LRRC4C: variants seen among roughly 807,000 people sequenced by gnomAD.
The protein encoded by LRRC4C is leucine rich repeat containing 4C.
A neutral mutation model predicts 33.6 loss-of-function variants in LRRC4C; 5 were observed. The ratio of observed to expected loss-of-function variants is 0.15; its 90% CI spans 0.08 to 0.31. The LOEUF is 0.31. Among genes scored for constraint, LRRC4C ranks in the 10% least tolerant of loss-of-function variants. The probability of loss-of-function intolerance (pLI) is 1.00; values close to 1 mark genes in which losing one functional copy is unlikely to be tolerated. For synonymous variants in LRRC4C, 329 were observed against 302.0 expected, an observed-to-expected ratio of 1.09 and a Z score of -0.93; for missense variants, 560 against 796.7, an observed-to-expected ratio of 0.70 and a Z score of 3.58.
chr11:40,561,328 G>A (rs1027754416), intron 3 of LRRC4C, among the ~76,000 whole-genome samples: 1 of 150,968 alleles, frequency 6.6e-6, no homozygotes, highest in Non-Finnish European at 1.5e-5. Context: ...TCTCTAAGGT[G>A]TCTTCCAGCA....
At chr11:40,467,357 T>C (rs1173112920) in intron 3 of LRRC4C, among the ~76,000 whole-genome samples, 2 of 152,182 alleles carry the variant, frequency 1.3e-5, no homozygotes, top group African/African-American at 2.4e-5. Context: ...AACTAGAGAA[T>C]TGCCGTATCA....
intron 1 of LRRC4C, among the ~76,000 whole-genome samples, chr11:41,280,918 T>G (rs1187584888): frequency 6.6e-6 from 1 of 152,180 alleles, no homozygotes; most frequent in African/African-American, 2.4e-5. Context: ...AATTATTAAT[T>G]AGGGGTCTGA....
chr11:40,407,526 A>T (rs190973524), intron 3 of LRRC4C, among the ~76,000 whole-genome samples: 1 of 152,250 alleles, frequency 6.6e-6, no homozygotes, highest in Admixed American at 6.5e-5. Flanking sequence ...CTGGTCATTC[A>T]TCCTGATGAG....
intron 3 of LRRC4C, among the ~76,000 whole-genome samples, chr11:40,371,173 C>G (rs1475157111): frequency 6.6e-6 from 1 of 152,060 alleles, no homozygotes; most frequent in Non-Finnish European, 1.5e-5. Flanking sequence ...AGTTTTTACA[C>G]TGTTCACTTT....
chr11:40,933,209 A>G (rs1194190879), intron 2 of LRRC4C, among the ~76,000 whole-genome samples: 1 of 152,226 alleles, frequency 6.6e-6, no homozygotes, highest in Non-Finnish European at 1.5e-5. Context: ...GCAGTTAGAA[A>G]GCAGACTTGC....
chr11:40,229,235 A>G (rs1055990808), intron 5 of LRRC4C, among the ~76,000 whole-genome samples: 1 of 152,120 alleles, frequency 6.6e-6, no homozygotes, highest in Non-Finnish European at 1.5e-5. Flanking sequence ...CCCACATTTT[A>G]AAGTCATTTA....
chr11:40,679,150 T>A (rs1400571067), intron 2 of LRRC4C, among the ~76,000 whole-genome samples: 5 of 152,178 alleles, frequency 3.3e-5, no homozygotes, highest in Non-Finnish European at 7.3e-5. Flanking sequence ...ATTTTGCCCC[T>A]GCGCTATAGA....
intron 4 of LRRC4C, among the ~76,000 whole-genome samples, chr11:40,249,794 G>A (rs1462250929): frequency 6.6e-6 from 1 of 151,930 alleles, no homozygotes. Context: ...CATAAAAAAA[G>A]TGATGCTTAT....
At chr11:40,211,431 C>T (rs946392465) in intron 5 of LRRC4C, among the ~76,000 whole-genome samples, 3 of 152,168 alleles carry the variant, frequency 2.0e-5, no homozygotes, top group African/African-American at 7.2e-5. Flanking sequence ...CAAACAAAAT[C>T]ATTATTTAAT....
At chr11:40,484,127 T>C (rs150619231) in intron 3 of LRRC4C, among the ~76,000 whole-genome samples, 1 of 152,050 alleles carries the variant, frequency 6.6e-6, no homozygotes, top group Non-Finnish European at 1.5e-5. Flanking sequence ...AAGTAAAAAA[T>C]GTACTAATCT....
chr11:40,658,113 G>A (rs1411122896), intron 2 of LRRC4C, among the ~76,000 whole-genome samples: 1 of 152,170 alleles, frequency 6.6e-6, no homozygotes, highest in Non-Finnish European at 1.5e-5. Flanking sequence ...TTATCTTATA[G>A]TAAACATTAG....
chr11:40,697,030 G>A (rs1045323344), intron 2 of LRRC4C, among the ~76,000 whole-genome samples: 1 of 152,008 alleles, frequency 6.6e-6, no homozygotes, highest in African/African-American at 2.4e-5. Flanking sequence ...GAAGCACTAA[G>A]TATGGTGTCA....
chr11:40,567,962 G>A (rs1200955585), intron 3 of LRRC4C, among the ~76,000 whole-genome samples: 2 of 152,154 alleles, frequency 1.3e-5, no homozygotes, highest in Admixed American at 1.3e-4. Context: ...CATCAGTGAA[G>A]GCATTTGGAA....
chr11:40,338,308 A>G (rs1946720022), intron 3 of LRRC4C, among the ~76,000 whole-genome samples: 1 of 152,230 alleles, frequency 6.6e-6, no homozygotes, highest in Non-Finnish European at 1.5e-5. Context: ...ATTGAACTAA[A>G]TAAAATTAGT....
chr11:41,210,617 G>T (rs996416679), intron 1 of LRRC4C, among the ~76,000 whole-genome samples: 5 of 152,138 alleles, frequency 3.3e-5, no homozygotes, highest in African/African-American at 1.2e-4. Context: ...GCTTGGTAAA[G>T]ATATCTAGTA....
At chr11:40,266,580 A>G (rs1035508913) in intron 4 of LRRC4C, among the ~76,000 whole-genome samples, 3 of 152,162 alleles carry the variant, frequency 2.0e-5, no homozygotes, top group Non-Finnish European at 2.9e-5. Flanking sequence ...TGGGAAGGCT[A>G]TTATGTATTA....
At chr11:41,388,645 A>T (rs974366192) in intron 1 of LRRC4C, among the ~76,000 whole-genome samples, 1 of 151,938 alleles carries the variant, frequency 6.6e-6, no homozygotes, top group Admixed American at 6.6e-5. Context: ...TAGGGAAAAC[A>T]TCAAGGAATT....
intron 1 of LRRC4C, among the ~76,000 whole-genome samples, chr11:41,189,163 G>T (rs1945835167): frequency 6.6e-6 from 1 of 152,036 alleles, no homozygotes; most frequent in Non-Finnish European, 1.5e-5. Flanking sequence ...AGACAAAAAA[G>T]CCTCTGACTT....
At chr11:40,928,038 A>G (rs1957468702) in intron 2 of LRRC4C, among the ~76,000 whole-genome samples, 1 of 152,086 alleles carries the variant, frequency 6.6e-6, no homozygotes, top group African/African-American at 2.4e-5. Context: ...GAAGTTTAAA[A>G]GGGAAATATT....
Sources: gnomAD v4.1 joint callset for allele counts (sites outside exome capture counted in the v4.1 genomes callset) on GRCh38, gnomAD v4.1.1 for gene constraint, MANE v1.5 for transcripts, NCBI Gene and HGNC (gene_info 2026-07-23, HGNC 2026-07-21) for gene names.